Variants in NEBL observed in about 807,000 individuals in gnomAD.
The protein encoded by NEBL is LIM and SH3 protein 2.
Under a neutral mutation model 140.2 loss-of-function variants are expected in NEBL, and 122 were observed. The ratio of observed to expected loss-of-function variants is 0.87; its 90% CI spans 0.75 to 1.01. NEBL has a LOEUF of 1.01. NEBL is among the 50% of genes least tolerant of loss of function. NEBL has a pLI of 0.00. For synonymous variants in NEBL, 436 were observed against 398.9 expected, an observed-to-expected ratio of 1.09 and a Z score of -1.11; for missense variants, 1,365 against 1,231.3, an observed-to-expected ratio of 1.11 and a Z score of -1.62.
intron 3 of NEBL, among the ~76,000 whole-genome samples, chr10:21,240,453 G>A (rs1274783879): frequency 6.6e-6 from 1 of 152,112 alleles, no homozygotes; most frequent in Non-Finnish European, 1.5e-5. Context: ...GACCAGCCTG[G>A]CCAACATGGT....
chr10:20,847,710 G>A (rs73607528), intron 11 of NEBL, among the ~76,000 whole-genome samples: 1,632 of 152,226 alleles, frequency 0.011, 23 homozygotes, highest in African/African-American at 0.035. Flanking sequence ...CTCAGAAAAG[G>A]AAAGTGATTT....
At position 21,173,984 on chromosome 10, in the gene NEBL, G is replaced by T; in HGVS notation, c.-151C>A. 1 of 1,327,258 alleles carries T rather than the reference G, an allele frequency of 7.5e-7. No individual in the cohort carries two copies. Among genetic ancestry groups the T allele is most frequent in the South Asian group, 1.8e-5 (1 of 55,046 alleles). 82.2% of individuals were successfully genotyped at this position (1,327,258 alleles called of 1,614,324 possible). ...AGGGAGTCGGCGCCGGGCCACGGGT[G>T]AGTGCACGGGGAGGGCGACGGGGCC... On this transcript the variant is annotated 5_prime_UTR_variant, in exon 1 of 7. Transcript: ENST00000417816. This position sits in a 1 kb window ranked among gnomAD's most constrained non-coding sequence, Gnocchi z 5.7.
At chr10:21,260,213 A>G (rs1426364735) in intron 1 of NEBL, among the ~76,000 whole-genome samples, 2 of 152,212 alleles carry the variant, frequency 1.3e-5, no homozygotes, top group African/African-American at 4.8e-5. Flanking sequence ...AATCCGGTCC[A>G]GACTTCTGCA....
chr10:20,845,541 C>A (rs1467603673), intron 11 of NEBL, 173 bp from the exon 12 acceptor site: 1 of 569,508 alleles, frequency 1.8e-6, no homozygotes, highest in Non-Finnish European at 3.1e-6. Context: ...TTTTAGAATT[C>A]TACCAAACAA....
At position 20,845,288 on chromosome 10, in the gene NEBL, A is replaced by G. The variant is rs903764018; in HGVS notation, c.1197T>C (p.His399=). ...LDLDKTPEFL[H]VKYITNLLRE... ...TCAGAAGGTTGGTGATGTACTTTAC[A>G]TGTAAAAATTCTGGAGTCTTGTCTA... The change falls in exon 12 of 28, where the codon CAT becomes CAC. Residue 399 remains histidine, a synonymous_variant. Coordinates refer to ENST00000377122, the MANE Select transcript of NEBL (RefSeq NM_006393.3). 9.4e-6 allele frequency: 15 copies of G among 1,594,080 alleles called. No homozygotes were observed. The highest frequency in any genetic ancestry group is 1.3e-5 in the Non-Finnish European group (15 of 1,162,268).
chr10:20,962,412 T>C (rs1354544842), intron 3 of NEBL, among the ~76,000 whole-genome samples: 5 of 152,252 alleles, frequency 3.3e-5, no homozygotes, highest in Non-Finnish European at 5.9e-5. Flanking sequence ...ATTTATAAAA[T>C]AGGCCACACC....
chr10:20,957,115 C>T (rs368783451), intron 4 of NEBL, among the ~76,000 whole-genome samples: 3 of 152,118 alleles, frequency 2.0e-5, no homozygotes, highest in Non-Finnish European at 4.4e-5. Context: ...TGCACTCAAC[C>T]GAACTTTGAA....
chr10:21,018,818 A>G (rs546215876), intron 3 of NEBL, among the ~76,000 whole-genome samples: 1 of 152,308 alleles, frequency 6.6e-6, no homozygotes, highest in South Asian at 2.1e-4. Flanking sequence ...TCACAAAGTC[A>G]GGAGTTCAAG....
At chr10:20,983,357 A>G (rs1837130037) in intron 3 of NEBL, among the ~76,000 whole-genome samples, 2 of 152,212 alleles carry the variant, frequency 1.3e-5, no homozygotes, top group South Asian at 2.1e-4. Context: ...CTAAACTTCA[A>G]CGCAAAAGTA....
At chr10:20,796,278 G>C (rs1180950887) in intron 26 of NEBL, among the ~76,000 whole-genome samples, 1 of 141,768 alleles carries the variant, frequency 7.1e-6, no homozygotes. Context: ...AGAATCGCTT[G>C]AACCCAGGAG....
At chr10:21,117,856 C>A (rs1490108670) in intron 2 of NEBL, among the ~76,000 whole-genome samples, 2 of 151,688 alleles carry the variant, frequency 1.3e-5, no homozygotes, top group African/African-American at 4.8e-5. Flanking sequence ...GCAACTCGGC[C>A]GCTATTATCT....
intron 9 of NEBL, among the ~76,000 whole-genome samples, chr10:20,856,804 AT>A (rs1173955996): frequency 1.3e-5 from 2 of 150,988 alleles, no homozygotes; most frequent in African/African-American, 5.0e-5. Context: ...GATTAAAAAA[AT>A]AAATAAATTT....
At chr10:20,861,935 G>A (rs1190178884) in intron 7 of NEBL, among the ~76,000 whole-genome samples, 4 of 152,160 alleles carry the variant, frequency 2.6e-5, no homozygotes, top group African/African-American at 7.2e-5. Flanking sequence ...AAACATCACA[G>A]CTTCGCCTGG....
chr10:21,047,730 T>A (rs1834584889), intron 2 of NEBL, among the ~76,000 whole-genome samples: 1 of 152,172 alleles, frequency 6.6e-6, no homozygotes, highest in South Asian at 2.1e-4. Flanking sequence ...TCTTAATCCT[T>A]GTTCTGCCAC....
intron 2 of NEBL, among the ~76,000 whole-genome samples, chr10:21,101,526 A>G (rs1469490257): frequency 1.3e-5 from 2 of 152,192 alleles, no homozygotes; most frequent in African/African-American, 4.8e-5. Flanking sequence ...CGGTGGGGAA[A>G]AAAGAAAACA....
At chr10:21,205,829 A>G (rs1841816870) in intron 3 of NEBL, among the ~76,000 whole-genome samples, 2 of 152,186 alleles carry the variant, frequency 1.3e-5, no homozygotes, top group African/African-American at 4.8e-5. Context: ...ATAGGTAGGA[A>G]AGTGTGATTG....
intron 22 of NEBL, among the ~76,000 whole-genome samples, chr10:20,814,640 A>AC (rs1554775382): frequency 4.6e-5 from 7 of 151,196 alleles, no homozygotes; most frequent in Admixed American, 1.3e-4. Flanking sequence ...ACACACACAC[A>AC]ACTGGTTATC....
intron 4 of NEBL, among the ~76,000 whole-genome samples, chr10:20,922,485 A>C (rs1281530060): frequency 6.6e-6 from 1 of 152,232 alleles, no homozygotes; most frequent in Non-Finnish European, 1.5e-5. Flanking sequence ...AAGAGCACTC[A>C]AGACTGAAAC....
intron 18 of NEBL, among the ~76,000 whole-genome samples, chr10:20,826,237 A>G (rs1017273563): frequency 2.0e-5 from 3 of 152,214 alleles, no homozygotes; most frequent in Admixed American, 6.5e-5. Context: ...TCATTGTGAT[A>G]TATCAAAATG....
Sources: gnomAD v4.1 joint callset for allele counts (sites outside exome capture counted in the v4.1 genomes callset) on GRCh38, gnomAD v4.1.1 for gene constraint, Gnocchi (gnomAD v3.1) non-coding constraint, MANE v1.5 for transcripts, NCBI Gene and HGNC (gene_info 2026-07-23, HGNC 2026-07-21) for gene names.